Variants in PLPP1 observed in about 807,000 individuals in gnomAD.
PLPP1 encodes the protein phospholipid phosphatase 1.
Under a neutral mutation model 31.2 loss-of-function variants are expected in PLPP1, and 24 were observed. That is an observed-to-expected ratio of 0.77 (90% CI 0.56 to 1.08). PLPP1 has a LOEUF of 1.08. Among genes scored for constraint, PLPP1 ranks in the 50% least tolerant of loss-of-function variants. PLPP1 has a pLI of 0.00. For synonymous variants in PLPP1, 146 were observed against 126.3 expected, an observed-to-expected ratio of 1.16 and a Z score of -1.05; for missense variants, 319 against 342.7, an observed-to-expected ratio of 0.93 and a Z score of 0.55.
At chr5:55,425,674 C>CTAAG (rs1018355281) in intron 5 of PLPP1, 189 bp downstream of exon 5, 20 of 512,556 alleles carry the variant, frequency 3.9e-5, no homozygotes, top group Non-Finnish European at 5.4e-5. Context: ...TACAAAACTA[C>CTAAG]TAAGTTTTAG....
chr5:55,526,551 A>G (rs1444751151), intron 1 of PLPP1, among the ~76,000 whole-genome samples: 3 of 152,002 alleles, frequency 2.0e-5, no homozygotes, highest in South Asian at 2.1e-4. Context: ...TCTCTCTGTG[A>G]CTAGAATAGA....
intron 3 of PLPP1, among the ~76,000 whole-genome samples, chr5:55,449,222 T>A (rs1751840271): frequency 6.6e-6 from 1 of 152,138 alleles, no homozygotes; most frequent in Non-Finnish European, 1.5e-5. Context: ...TAAAAATACA[T>A]AGCAAAATGA....
intron 1 of PLPP1, among the ~76,000 whole-genome samples, chr5:55,494,446 T>A (rs113556412): frequency 2.0e-5 from 3 of 152,238 alleles, no homozygotes; most frequent in African/African-American, 7.2e-5. Context: ...GGGAGCTCAT[T>A]TATGGTGGAA....
At position 55,473,548 on chromosome 5, in the gene PLPP1, C is replaced by CT. The variant is rs1417523133; in HGVS notation, c.210+1750dup. ...GACATTTCTAAATTAAGAAGCTTTT[C>CT]TTTTTTTAAAATAAACTCCAAAAAC... On this transcript the variant is annotated intron_variant, in intron 2 of 5. Transcript: ENST00000307259. 4.6e-5 allele frequency among the ~76,000 whole-genome samples: 7 copies of CT among 152,034 alleles called. No individual in the cohort carries two copies. The East Asian group carries it at 1.3e-3, about 29-fold the overall frequency.
At chr5:55,462,751 A>C (rs915828178) in intron 3 of PLPP1, among the ~76,000 whole-genome samples, 16 of 152,162 alleles carry the variant, frequency 1.1e-4, no homozygotes, top group Non-Finnish European at 2.2e-4. Context: ...AGGTGGGCGG[A>C]TCACGAGGTA....
rs188584050 is a variant in PLPP1 at position 55,455,998 on chromosome 5, T to A, written c.491+11871A>T. 3.1e-3 allele frequency among the ~76,000 whole-genome samples: 474 copies of A among 150,988 alleles called. 13 individuals carry two copies. The highest frequency in any genetic ancestry group is 9.9e-4 in the Non-Finnish European group (67 of 67,966). The stretch of plus-strand genomic sequence containing the variant: ...TACAGATGTGAACTACCTGGGCTCA[T>A]TAGCTTTTTTTTTCCCCAGAAAATC... On this transcript the variant is annotated intron_variant, in intron 3 of 5. Coordinates refer to ENST00000307259, the MANE Select transcript of PLPP1 (RefSeq NM_003711.4).
intron 3 of PLPP1, among the ~76,000 whole-genome samples, chr5:55,461,949 A>C (rs1294557951): frequency 3.9e-5 from 6 of 152,076 alleles, no homozygotes; most frequent in Admixed American, 6.6e-5. Flanking sequence ...TAAAAAAAAA[A>C]CTCACAATGG....
At chr5:55,450,118 T>C (rs1426169317) in intron 3 of PLPP1, among the ~76,000 whole-genome samples, 3 of 152,202 alleles carry the variant, frequency 2.0e-5, no homozygotes, top group Non-Finnish European at 4.4e-5. Flanking sequence ...TACTCTATTA[T>C]ATAGGTCAAT....
intron 3 of PLPP1, among the ~76,000 whole-genome samples, chr5:55,464,990 A>G (rs181108433): frequency 5.4e-4 from 82 of 151,030 alleles, no homozygotes; most frequent in Non-Finnish European, 1.1e-3. Context: ...TATCTATTCT[A>G]TTTTTTTCCT....
intron 1 of PLPP1, among the ~76,000 whole-genome samples, chr5:55,485,720 T>C: frequency 6.6e-6 from 1 of 152,264 alleles, no homozygotes; most frequent in Non-Finnish European, 1.5e-5. Flanking sequence ...ATATCTCATA[T>C]ACTAATAATC....
intron 2 of PLPP1, among the ~76,000 whole-genome samples, chr5:55,472,973 C>G (rs1752454922): frequency 6.6e-6 from 1 of 152,142 alleles, no homozygotes; most frequent in Non-Finnish European, 1.5e-5. Context: ...GCATGGCATC[C>G]TTTTTACTGA....
intron 1 of PLPP1, chr5:55,484,906 T>C (rs1319798317): frequency 6.6e-6 from 1 of 152,144 alleles, no homozygotes; most frequent in Non-Finnish European, 1.5e-5. Flanking sequence ...ACACTGAAGG[T>C]TGGAGGAGCT....
At chr5:55,433,640 C>T (rs1352386102) in intron 4 of PLPP1, among the ~76,000 whole-genome samples, 35 of 149,244 alleles carry the variant, frequency 2.3e-4, no homozygotes, top group African/African-American at 8.3e-4. Context: ...GCTGGGAGTA[C>T]AGGCGCGTGC....
intron 1 of PLPP1, among the ~76,000 whole-genome samples, chr5:55,482,553 A>C (rs1460133287): frequency 1.3e-5 from 2 of 152,236 alleles, no homozygotes; most frequent in African/African-American, 4.8e-5. Flanking sequence ...GGTGAAAATA[A>C]GAAATGGCAG....
At chr5:55,477,391 C>CT (rs1348200977) in intron 1 of PLPP1, among the ~76,000 whole-genome samples, 2 of 71,382 alleles carry the variant, frequency 2.8e-5, no homozygotes, top group Non-Finnish European at 6.1e-5. Context: ...CTTCTTTTTT[C>CT]TTTTCTTTTT....
intron 1 of PLPP1, among the ~76,000 whole-genome samples, chr5:55,516,010 C>T (rs919175203): frequency 1.3e-5 from 2 of 152,136 alleles, no homozygotes; most frequent in African/African-American, 4.8e-5. Context: ...TCCCCATCCC[C>T]CTTCCTATCA....
intron 1 of PLPP1, among the ~76,000 whole-genome samples, chr5:55,520,936 G>A (rs1316838510): frequency 6.6e-6 from 1 of 152,228 alleles, no homozygotes; most frequent in African/African-American, 2.4e-5. Context: ...TTCTGGCCCA[G>A]TACAATGGCT....
intron 1 of PLPP1, among the ~76,000 whole-genome samples, chr5:55,488,035 T>TG (rs1752810218): frequency 6.6e-6 from 1 of 152,060 alleles, no homozygotes. Flanking sequence ...ATCATGCCAC[T>TG]GCACTCCAGC....
chr5:55,522,819 C>A (rs909094444), intron 1 of PLPP1, among the ~76,000 whole-genome samples: 1 of 151,952 alleles, frequency 6.6e-6, no homozygotes, highest in Non-Finnish European at 1.5e-5. Flanking sequence ...CCTGGGTTCA[C>A]GCCATTCTCC....
Sources: gnomAD v4.1 joint callset for allele counts (sites outside exome capture counted in the v4.1 genomes callset) on GRCh38, gnomAD v4.1.1 for gene constraint, MANE v1.5 for transcripts, NCBI Gene and HGNC (gene_info 2026-07-23, HGNC 2026-07-21) for gene names.